The following CADPS2 variants were observed in gnomAD, a reference collection of about 807,000 sequenced individuals.
CADPS2 encodes calcium-dependent secretion activator 2.
In CADPS2, 93 loss-of-function variants were observed where a neutral mutation model predicts 172.5. That is an observed-to-expected ratio of 0.54 (90% CI 0.46 to 0.64). CADPS2 has a LOEUF of 0.64. CADPS2 is among the 30% of genes least tolerant of loss of function. The probability of loss-of-function intolerance (pLI) is 0.00; values close to 1 mark genes in which losing one functional copy is unlikely to be tolerated. For synonymous variants in CADPS2, 546 were observed against 555.2 expected (o/e 0.98, Z 0.23); for missense variants, 1,420 against 1,565.9 (o/e 0.91, Z 1.57).
chr7:122,617,757 C>G (rs1186698852), intron 5 of CADPS2, among the ~76,000 whole-genome samples: 1 of 152,094 alleles, frequency 6.6e-6, no homozygotes, highest in African/African-American at 2.4e-5. Context: ...AAAAAATCAA[C>G]TATAAGCCGG....
intron 8 of CADPS2, among the ~76,000 whole-genome samples, chr7:122,527,447 A>G (rs2061330466): frequency 6.6e-6 from 1 of 151,106 alleles, no homozygotes; most frequent in Admixed American, 6.6e-5. Context: ...ACTGTCTGAT[A>G]TTGACAGTTG....
chr7:122,497,938 G>A (rs939868209), intron 9 of CADPS2, among the ~76,000 whole-genome samples: 1 of 152,106 alleles, frequency 6.6e-6, no homozygotes, highest in African/African-American at 2.4e-5. Context: ...ACTTATGAAA[G>A]TTCAACTGCA....
chr7:122,697,262 G>T (rs1296137185), intron 2 of CADPS2, among the ~76,000 whole-genome samples: 1 of 151,960 alleles, frequency 6.6e-6, no homozygotes. Flanking sequence ...AGAATAATAA[G>T]ATTTTGTAAA....
At chr7:122,702,718 A>G in intron 2 of CADPS2, 1 of 1,610,554 alleles carries the variant, frequency 6.2e-7, no homozygotes. Context: ...AAACAGAACT[A>G]TGCGTCGAAG....
intron 5 of CADPS2, among the ~76,000 whole-genome samples, chr7:122,615,675 CATG>C (rs1414137852): frequency 6.6e-6 from 1 of 151,930 alleles, no homozygotes; most frequent in Non-Finnish European, 1.5e-5. Flanking sequence ...AACAGCAGTA[CATG>C]ATAAGTACCA....
At chr7:122,622,777 A>G (rs561466788) in intron 4 of CADPS2, among the ~76,000 whole-genome samples, 104 of 152,338 alleles carry the variant, frequency 6.8e-4, no homozygotes, top group African/African-American at 2.5e-3. Flanking sequence ...TGAATGCTCC[A>G]GAAAAGCACT....
At chr7:122,422,475 G>C (rs886367446) in intron 17 of CADPS2, among the ~76,000 whole-genome samples, 1 of 152,104 alleles carries the variant, frequency 6.6e-6, no homozygotes, top group African/African-American at 2.4e-5. Flanking sequence ...CCCCACTAAA[G>C]GAGATAGTGA....
At chr7:122,414,559 C>A (rs1264631444) in intron 18 of CADPS2, among the ~76,000 whole-genome samples, 2 of 152,040 alleles carry the variant, frequency 1.3e-5, no homozygotes, top group African/African-American at 4.8e-5. Context: ...TAGAAAAGAA[C>A]CTCCTGGGAA....
At chr7:122,356,385 C>G (rs186496465) in intron 27 of CADPS2, among the ~76,000 whole-genome samples, 33 of 152,288 alleles carry the variant, frequency 2.2e-4, no homozygotes, top group African/African-American at 7.2e-4. Flanking sequence ...TCATCACATC[C>G]TGTCAAAGGC....
At chr7:122,365,735 C>T (rs1041463300) in intron 25 of CADPS2, among the ~76,000 whole-genome samples, 1 of 152,186 alleles carries the variant, frequency 6.6e-6, no homozygotes, top group Non-Finnish European at 1.5e-5. Context: ...AAATATTTAA[C>T]ACCTAAAGTC....
At chr7:122,773,178 T>C (rs1386992772) in intron 1 of CADPS2, among the ~76,000 whole-genome samples, 1 of 152,004 alleles carries the variant, frequency 6.6e-6, no homozygotes. Context: ...TGAACAAAGA[T>C]TTGAAAATTA....
chr7:122,511,544 T>C (rs538774412), intron 9 of CADPS2, among the ~76,000 whole-genome samples: 7 of 152,302 alleles, frequency 4.6e-5, no homozygotes, highest in South Asian at 4.1e-4. Context: ...TCTGTGGTTA[T>C]TGGGTTACAT....
chr7:122,620,874 T>C (rs188162400), intron 5 of CADPS2, among the ~76,000 whole-genome samples: 45 of 152,270 alleles, frequency 3.0e-4, no homozygotes, highest in African/African-American at 9.6e-4. Context: ...TCTACCCACG[T>C]GCGTTTTGAT....
intron 1 of CADPS2, among the ~76,000 whole-genome samples, chr7:122,745,766 T>C (rs1402560666): frequency 6.6e-6 from 1 of 151,954 alleles, no homozygotes; most frequent in African/African-American, 2.4e-5. Flanking sequence ...ACATCCTCTA[T>C]TCTCATGCTT....
chr7:122,397,231 A>G (rs2045267856), intron 20 of CADPS2, among the ~76,000 whole-genome samples: 1 of 152,200 alleles, frequency 6.6e-6, no homozygotes, highest in Admixed American at 6.5e-5. Context: ...AAGAAAATGA[A>G]GATTACCTAT....
At chr7:122,422,819 C>T (rs1342449585) in intron 17 of CADPS2, among the ~76,000 whole-genome samples, 1 of 149,972 alleles carries the variant, frequency 6.7e-6, no homozygotes, top group Non-Finnish European at 1.5e-5. Flanking sequence ...AATAGCCTGG[C>T]GTGGTGGCAC....
chr7:122,817,687 T>C (rs1007641797), intron 1 of CADPS2, among the ~76,000 whole-genome samples: 1 of 151,894 alleles, frequency 6.6e-6, no homozygotes, highest in Non-Finnish European at 1.5e-5. Flanking sequence ...TCTCTACCCC[T>C]TCTCTGCTTT....
At chr7:122,665,472 T>C (rs924524947) in intron 2 of CADPS2, among the ~76,000 whole-genome samples, 1 of 152,182 alleles carries the variant, frequency 6.6e-6, no homozygotes, top group Non-Finnish European at 1.5e-5. Flanking sequence ...TGAGGTTATG[T>C]CCTAATAAGC....
At chr7:122,875,545 T>TA (rs1391831552) in intron 1 of CADPS2, among the ~76,000 whole-genome samples, 3 of 152,168 alleles carry the variant, frequency 2.0e-5, no homozygotes, top group African/African-American at 7.2e-5. Context: ...AAAATCAGTA[T>TA]ATTAATTTGT....
Sources: allele counts gnomAD v4.1 joint callset (sites outside exome capture counted in the v4.1 genomes callset), GRCh38; gene constraint gnomAD v4.1.1; transcripts MANE v1.5; gene names NCBI Gene and HGNC (gene_info 2026-07-23, HGNC 2026-07-21).